ADIPOQ: variants seen among roughly 807,000 people sequenced by gnomAD.
ADIPOQ encodes the protein adiponectin, C1Q and collagen domain containing, also known as adiponectin.
A neutral mutation model predicts 16.1 loss-of-function variants in ADIPOQ; 19 were observed. The observed-to-expected ratio is 1.18, with a 90% confidence interval of 0.82 to 1.73. The LOEUF (loss-of-function observed/expected upper bound fraction) is 1.73, where lower values mean the gene tolerates loss of function less well. Among genes scored for constraint, ADIPOQ ranks in the 40% most tolerant of loss-of-function variants. The pLI, the probability that ADIPOQ is intolerant of heterozygous loss-of-function variation, is 0.00. For missense variants in ADIPOQ, 323 were observed against 308.3 expected, an observed-to-expected ratio of 1.05 and a Z score of -0.36; for synonymous variants, 124 against 125.5, an observed-to-expected ratio of 0.99 and a Z score of 0.08.
At chr3:186,847,267 G>A (rs1413065906) in intron 1 of ADIPOQ, among the ~76,000 whole-genome samples, 2 of 152,200 alleles carry the variant, frequency 1.3e-5, no homozygotes, top group African/African-American at 4.8e-5. Context: ...ACCCTATCCT[G>A]TCTCTCAAAA....
In ADIPOQ at chr3:186,854,228, G is replaced by A. The variant is rs772365758; in HGVS notation, c.259G>A (p.Gly87Arg). The A allele has an allele frequency of 1.5e-5, 24 of 1,613,440 alleles. No individual in the cohort carries two copies. Among genetic ancestry groups the A allele is most frequent in the African/African-American group, 1.1e-4 (8 of 74,898 alleles). The change falls in exon 3 of 3, where the codon GGG becomes AGG. Residue 87 changes from glycine (G) to arginine (R), a missense_variant. Coordinates refer to ENST00000320741, the MANE Select transcript of ADIPOQ (RefSeq NM_004797.4). The part of the protein sequence containing the change: ...KGDIGETGVP[G>R]AEGPRGFPGI... Reference sequence around the variant, plus strand: ...AGACATCGGTGAAACCGGAGTACCCGGGGCTGAAGGTCCCCGAGGCTTTCC... The same window carrying A: ...AGACATCGGTGAAACCGGAGTACCCAGGGCTGAAGGTCCCCGAGGCTTTCC...
At chr3:186,849,680 C>T (rs1371975216) in intron 1 of ADIPOQ, among the ~76,000 whole-genome samples, 2 of 152,152 alleles carry the variant, frequency 1.3e-5, no homozygotes, top group Non-Finnish European at 2.9e-5. Flanking sequence ...TTCTCTCTGT[C>T]TGCCATTTCA....
At chr3:186,852,722 C>T (rs9882097) in intron 1 of ADIPOQ, 4,386 of 286,002 alleles carry the variant, frequency 0.015, 181 homozygotes, top group African/African-American at 0.088. Context: ...CTTGGCAAGT[C>T]GACTCTTGGA....
At chr3:186,850,630 TA>T (rs1337601854) in intron 1 of ADIPOQ, among the ~76,000 whole-genome samples, 2 of 152,140 alleles carry the variant, frequency 1.3e-5, no homozygotes, top group African/African-American at 4.8e-5. Flanking sequence ...AATAATATTT[TA>T]AAATGAAAAT....
At chr3:186,847,493 A>G (rs576231011) in intron 1 of ADIPOQ, among the ~76,000 whole-genome samples, 23 of 152,342 alleles carry the variant, frequency 1.5e-4, no homozygotes, top group Non-Finnish European at 2.5e-4. Flanking sequence ...AAGAAATCTT[A>G]AATTGATTAT....
At chr3:186,852,976 T>C (rs940859604) in intron 1 of ADIPOQ, 75 bp from the exon 2 acceptor site, 7 of 1,501,284 alleles carry the variant, frequency 4.7e-6, no homozygotes, top group Non-Finnish European at 6.5e-6. Context: ...ATGGACGGAG[T>C]CCTTTGTAGG....
Position 186,854,818 on chromosome 3 carries a change from A to G in ADIPOQ, c.*114A>G. ...AGTTGGAGGCCTTTAGATATTATTC[A>G]TTCATTTACTCATTCATTTATTCAT... On this transcript the variant is annotated 3_prime_UTR_variant, in exon 3 of 3. Transcript: ENST00000320741. The G allele has an allele frequency of 7.3e-7, 1 of 1,363,766 alleles. No individual in the cohort carries two copies. Among genetic ancestry groups the G allele is most frequent in the Non-Finnish European group, 1.0e-6 (1 of 974,726 alleles). 84.5% of individuals were successfully genotyped at this position (1,363,766 alleles called of 1,614,324 possible). A position where few individuals can be genotyped will look rare whatever the true frequency, so the allele number is the denominator to read the frequency against.
At chr3:186,848,305 A>AGAAGGAAGGAAG (rs10662615) in intron 1 of ADIPOQ, among the ~76,000 whole-genome samples, 2 of 80,262 alleles carry the variant, frequency 2.5e-5, no homozygotes, top group Admixed American at 1.3e-4. Flanking sequence ...AAGGAAGGAA[A>AGAAGGAAGGAAG]GAAGGAAGGA....
chr3:186,854,903 A>G lies in ADIPOQ; in HGVS notation c.*199A>G, dbSNP rs1711939155. The G allele has an allele frequency of 2.7e-6, 2 of 749,498 alleles. No individual in the cohort carries two copies. Among genetic ancestry groups the G allele is most frequent in the South Asian group, 3.7e-5 (2 of 54,620 alleles). 46.4% of individuals were successfully genotyped at this position (749,498 alleles called of 1,614,324 possible). On this transcript the variant is annotated 3_prime_UTR_variant, in exon 3 of 3. Coordinates refer to ENST00000320741, the MANE Select transcript of ADIPOQ (RefSeq NM_004797.4). ...TATGTTCCCAGTCCTGGGGAGCTTC[A>G]CAAACATGACCAGATAACTGACTAG...
chr3:186,854,068 T>G, intron 2 of ADIPOQ, 116 bp from the exon 3 acceptor site: 1 of 1,139,488 alleles, frequency 8.8e-7, no homozygotes, highest in Non-Finnish European at 1.2e-6. Context: ...ATTGGTTTCT[T>G]GATCTATAAG....
Position 186,855,014 on chromosome 3 carries a change from C to A in ADIPOQ, c.*310C>A. The A allele has an allele frequency of 2.4e-6, 1 of 413,784 alleles. No homozygotes were observed. The highest frequency in any genetic ancestry group is 2.2e-5 in the South Asian group (1 of 44,776). 25.6% of individuals were successfully genotyped at this position (413,784 alleles called of 1,614,324 possible). ...CTATAAGGCACAGGGAACAAGCATT[C>A]TCCTGTTTTTACAGATTGTATCCTG... On this transcript the variant is annotated 3_prime_UTR_variant, in exon 3 of 3. Transcript: ENST00000320741.
Position 186,854,676 on chromosome 3 carries a change from G to C in ADIPOQ, c.707G>C (p.Gly236Ala), listed in dbSNP as rs1391184567. 1.2e-6 allele frequency: 2 copies of C among 1,614,106 alleles called. No individual in the cohort carries two copies. Among genetic ancestry groups the C allele is most frequent in the Non-Finnish European group, 1.7e-6 (2 of 1,180,032 alleles). ...ADNDNDSTFT[G>A]FLLYHDTN ...AATGACAATGACTCCACCTTCACAG[G>C]CTTTCTTCTCTACCATGACACCAAC... Residue 236 changes from glycine (G) to alanine (A), a missense_variant, in exon 3 of 3, where the codon GGC (glycine) becomes GCC (alanine). Gly to Ala is a moderately conservative substitution (Grantham distance 60, BLOSUM62 0). Coordinates refer to ENST00000320741, the MANE Select transcript of ADIPOQ (RefSeq NM_004797.4).
At position 186,854,641 on chromosome 3, in the gene ADIPOQ, C is replaced by T. The variant is rs1560110276; in HGVS notation, c.672C>T (p.Leu224=). 1.2e-6 allele frequency: 2 copies of T among 1,614,190 alleles called. No individual in the cohort carries two copies. Among genetic ancestry groups the T allele is most frequent in the South Asian group, 2.2e-5 (2 of 91,078 alleles). Residue 224 remains leucine, a synonymous_variant, in exon 3 of 3, where the codon CTC becomes CTT. Transcript: ENST00000320741. ...QVYGEGERNG[L]YADNDNDSTF... is the part of the protein sequence containing the mutation. Reference sequence around the variant, plus strand: ...ATGGGGAAGGAGAGCGTAATGGACTCTATGCTGATAATGACAATGACTCCA... The same window carrying T: ...ATGGGGAAGGAGAGCGTAATGGACTTTATGCTGATAATGACAATGACTCCA...
intron 1 of ADIPOQ, chr3:186,845,564 A>T (rs1355537440): frequency 1.3e-5 from 2 of 151,804 alleles, no homozygotes; most frequent in African/African-American, 4.8e-5. Context: ...TAGAGACGGG[A>T]TTTCACCATG....
intron 1 of ADIPOQ, among the ~76,000 whole-genome samples, chr3:186,843,467 C>G (rs1579201647): frequency 6.6e-6 from 1 of 151,954 alleles, no homozygotes; most frequent in East Asian, 1.9e-4. Context: ...CCAGACTAGC[C>G]TGACCAACAT....
chr3:186,849,330 T>C (rs149995443), intron 1 of ADIPOQ, among the ~76,000 whole-genome samples: 2 of 152,276 alleles, frequency 1.3e-5, no homozygotes, highest in Non-Finnish European at 2.9e-5. Flanking sequence ...TAAGAAAGGG[T>C]GGAGGTGACA....
chr3:186,846,617 C>T (rs191650155), intron 1 of ADIPOQ, among the ~76,000 whole-genome samples: 17 of 152,290 alleles, frequency 1.1e-4, no homozygotes, highest in Admixed American at 5.9e-4. Flanking sequence ...GGCTCTGCCT[C>T]CTGCCAGTCC....
chr3:186,853,903 G>C (rs2108491787), intron 2 of ADIPOQ: 1 of 350,854 alleles, frequency 2.9e-6, no homozygotes, highest in Middle Eastern at 8.1e-4. Flanking sequence ...TGCAAAACCA[G>C]GGTTGATGGT....
intron 1 of ADIPOQ, among the ~76,000 whole-genome samples, chr3:186,843,423 A>G (rs1488370057): frequency 6.6e-6 from 1 of 152,120 alleles, no homozygotes; most frequent in Non-Finnish European, 1.5e-5. Flanking sequence ...AATTTGGGAG[A>G]CCGAGGCGGG....
Sources: gnomAD v4.1 joint callset for allele counts (sites outside exome capture counted in the v4.1 genomes callset) on GRCh38, gnomAD v4.1.1 for gene constraint, MANE v1.5 for transcripts, NCBI Gene and HGNC (gene_info 2026-07-23, HGNC 2026-07-21) for gene names.